Variants in NRXN1 observed in about 807,000 individuals in gnomAD.
The protein encoded by NRXN1 is neurexin-1.
NRXN1 carries 39 observed loss-of-function variants against 150.9 expected under a neutral mutation model. That is an observed-to-expected ratio of 0.26 (90% CI 0.20 to 0.34). NRXN1 has a LOEUF of 0.34. NRXN1 is among the 10% of genes least tolerant of loss of function. The probability of loss-of-function intolerance (pLI) is 1.00; values close to 1 mark genes in which losing one functional copy is unlikely to be tolerated. For missense variants in NRXN1, 1,815 were observed against 1,949.9 expected, an observed-to-expected ratio of 0.93 and a Z score of 1.30; for synonymous variants, 924 against 757.0, an observed-to-expected ratio of 1.22 and a Z score of -3.62.
chr2:50,475,981 G>A (rs1331623026), intron 15 of NRXN1, among the ~76,000 whole-genome samples: 1 of 152,050 alleles, frequency 6.6e-6, no homozygotes, highest in East Asian at 1.9e-4. Flanking sequence ...GAGCCTGCAT[G>A]GGCAACCAGT....
At chr2:50,464,055 T>G (rs1470911664) in intron 17 of NRXN1, 1 of 148,572 alleles carries the variant, frequency 6.7e-6, no homozygotes, top group East Asian at 2.0e-4. Context: ...AAAGCACATG[T>G]AAGGCTGCTA....
intron 8 of NRXN1, among the ~76,000 whole-genome samples, chr2:50,553,967 T>G (rs1185336945): frequency 6.6e-6 from 1 of 152,138 alleles, no homozygotes. Context: ...AAGGACACCT[T>G]TTCTCTACAA....
At chr2:50,218,958 AT>A (rs199850385) in intron 18 of NRXN1, among the ~76,000 whole-genome samples, 13 of 151,264 alleles carry the variant, frequency 8.6e-5, no homozygotes, top group Admixed American at 2.6e-4. Flanking sequence ...AATAGCCTTT[AT>A]TTTTTTTTCT....
intron 21 of NRXN1, among the ~76,000 whole-genome samples, chr2:49,981,603 C>T (rs866314439): frequency 2.6e-5 from 4 of 151,942 alleles, no homozygotes; most frequent in Non-Finnish European, 5.9e-5. Context: ...ACAAGAATGA[C>T]TTAAATAAGA....
At chr2:50,813,868 T>C (rs1258010155) in intron 5 of NRXN1, among the ~76,000 whole-genome samples, 1 of 152,194 alleles carries the variant, frequency 6.6e-6, no homozygotes, top group Admixed American at 6.5e-5. Context: ...TTTCAGTGCT[T>C]CTTTTATTAT....
In NRXN1 at chr2:50,497,677, A is replaced by G; in HGVS notation, c.2535T>C (p.His845=). 1.2e-6 allele frequency: 2 copies of G among 1,613,770 alleles called. No individual in the cohort carries two copies. The highest frequency in any genetic ancestry group is 1.1e-5 in the South Asian group (1 of 91,068). Residue 845 remains histidine (H), a synonymous_variant, in exon 14 of 23, where the codon CAT becomes CAC. Transcript: ENST00000401669. ...CTGTGATGATGCCAGTCTCTATGTTATGGAACTCCAGCCTAGTATGATCAC... is the reference window on the plus strand; with the variant it reads ...CTGTGATGATGCCAGTCTCTATGTTGTGGAACTCCAGCCTAGTATGATCAC... The part of the protein sequence containing the change: ...MAGDHTRLEF[H]NIETGIITER...
chr2:50,907,798 G>C (rs1450832119), intron 5 of NRXN1, among the ~76,000 whole-genome samples: 1 of 152,074 alleles, frequency 6.6e-6, no homozygotes, highest in Non-Finnish European at 1.5e-5. Flanking sequence ...ATGCACCATT[G>C]ATGACAAATC....
chr2:50,681,028 T>A (rs1027213428), intron 5 of NRXN1, among the ~76,000 whole-genome samples: 1 of 152,214 alleles, frequency 6.6e-6, no homozygotes, highest in African/African-American at 2.4e-5. Context: ...AAATATATCT[T>A]TGCATCACTG....
chr2:50,357,279 A>G (rs1187316680), intron 17 of NRXN1, among the ~76,000 whole-genome samples: 1 of 122,656 alleles, frequency 8.2e-6, no homozygotes, highest in African/African-American at 2.8e-5. Flanking sequence ...AAACAAATAA[A>G]TAATACATTT....
At chr2:50,772,396 T>G (rs1195019955) in intron 5 of NRXN1, among the ~76,000 whole-genome samples, 1 of 151,384 alleles carries the variant, frequency 6.6e-6, no homozygotes, top group Non-Finnish European at 1.5e-5. Flanking sequence ...ATTAAAATAA[T>G]AAAAGATGGT....
intron 17 of NRXN1, among the ~76,000 whole-genome samples, chr2:50,247,185 T>C (rs2066579916): frequency 6.6e-6 from 1 of 152,090 alleles, no homozygotes; most frequent in African/African-American, 2.4e-5. Context: ...TAAATTATTC[T>C]GATAAGAAAA....
intron 5 of NRXN1, among the ~76,000 whole-genome samples, chr2:50,822,088 T>C (rs4566396): frequency 0.079 from 12,005 of 152,160 alleles, 578 homozygotes; most frequent in Middle Eastern, 0.13. Flanking sequence ...GTCTAATTAC[T>C]ACCTATGATT....
intron 12 of NRXN1, among the ~76,000 whole-genome samples, chr2:50,511,055 GCT>G (rs1491210153): frequency 2.9e-5 from 4 of 136,820 alleles, no homozygotes. Flanking sequence ...AGTCTAACAA[GCT>G]TTTTTTTTTT....
At chr2:50,511,202 A>T (rs925762788) in intron 12 of NRXN1, among the ~76,000 whole-genome samples, 1 of 152,066 alleles carries the variant, frequency 6.6e-6, no homozygotes, top group African/African-American at 2.4e-5. Flanking sequence ...CTGGGATTAC[A>T]GGCACCCACT....
At chr2:51,004,151 G>A (rs1700415838) in intron 2 of NRXN1, among the ~76,000 whole-genome samples, 1 of 151,628 alleles carries the variant, frequency 6.6e-6, no homozygotes, top group Non-Finnish European at 1.5e-5. Flanking sequence ...TTGGGGTCTA[G>A]CCAACCCTTT....
At position 50,055,639 on chromosome 2, in the gene NRXN1, T is replaced by C. The variant is rs184698518; in HGVS notation, c.3719-595A>G. Reference sequence around the variant, plus strand: ...CACACAAATTGATTTATCAATCACTTGGACATCACAAGAGAATGCATCTTG... The same window carrying C: ...CACACAAATTGATTTATCAATCACTCGGACATCACAAGAGAATGCATCTTG... On this transcript the variant is annotated intron_variant, in intron 19 of 22. Coordinates refer to ENST00000401669, the MANE Select transcript of NRXN1 (RefSeq NM_001330078.2). 7.9e-4 allele frequency among the ~76,000 whole-genome samples: 121 copies of C among 152,320 alleles called. No individual in the cohort carries two copies. The Middle Eastern group carries it at 0.017, about 21-fold the overall frequency.
intron 21 of NRXN1, among the ~76,000 whole-genome samples, chr2:49,991,339 T>A (rs1025282225): frequency 1.8e-4 from 27 of 152,236 alleles, no homozygotes; most frequent in Admixed American, 5.9e-4. Context: ...TCTGAAAGAA[T>A]CATAAAAACC....
chr2:50,657,546 AAGCAGTTCCGTAAAG>A (rs2104611085), intron 5 of NRXN1, among the ~76,000 whole-genome samples: 1 of 152,088 alleles, frequency 6.6e-6, no homozygotes, highest in East Asian at 2.0e-4. Flanking sequence ...TACTCATGAT[AAGCAGTTCCGTAAAG>A]AGCGTTATTC....
chr2:50,152,161 T>A (rs1037791682), intron 18 of NRXN1, among the ~76,000 whole-genome samples: 78 of 151,838 alleles, frequency 5.1e-4, no homozygotes, highest in African/African-American at 1.8e-3. Context: ...ACTCTTTCTA[T>A]CTGGCAAAAC....
Sources: gnomAD v4.1 joint callset for allele counts (sites outside exome capture counted in the v4.1 genomes callset) on GRCh38, gnomAD v4.1.1 for gene constraint, MANE v1.5 for transcripts, NCBI Gene and HGNC (gene_info 2026-07-23, HGNC 2026-07-21) for gene names.